Variants in ESCO1 observed in about 807,000 individuals in gnomAD.
ESCO1 encodes the protein establishment of sister chromatid cohesion N-acetyltransferase 1.
ESCO1 carries 33 observed loss-of-function variants against 83.5 expected under a neutral mutation model. The ratio of observed to expected loss-of-function variants is 0.40; its 90% CI spans 0.30 to 0.53. ESCO1 has a LOEUF of 0.53. Ranked by LOEUF, ESCO1 falls within the 20% of genes least tolerant of loss-of-function variation. The probability of loss-of-function intolerance (pLI) is 0.63; values close to 1 mark genes in which losing one functional copy is unlikely to be tolerated. For missense variants in ESCO1, 855 were observed against 968.0 expected (o/e 0.88, Z 1.55); for synonymous variants, 332 against 324.3 (o/e 1.02, Z -0.25).
At chr18:21,585,436 T>A (rs935438184) in intron 1 of ESCO1, among the ~76,000 whole-genome samples, 1 of 152,130 alleles carries the variant, frequency 6.6e-6, no homozygotes, top group Non-Finnish European at 1.5e-5. Flanking sequence ...AAAAATAGTA[T>A]TCTTTACCCA....
intron 10 of ESCO1, 96 bp from the exon 11 acceptor site, chr18:21,532,756 TAAC>T (rs1332416861): frequency 1.7e-6 from 2 of 1,163,430 alleles, no homozygotes; most frequent in South Asian, 1.7e-5. Context: ...TTGACTGGCT[TAAC>T]AAACTATGGG....
At chr18:21,585,171 C>T (rs2038557784) in intron 1 of ESCO1, among the ~76,000 whole-genome samples, 1 of 151,436 alleles carries the variant, frequency 6.6e-6, no homozygotes. Context: ...TACACAACTG[C>T]ATGGTCACCA....
At chr18:21,578,239 A>T (rs1165555918) in intron 2 of ESCO1, among the ~76,000 whole-genome samples, 1 of 152,230 alleles carries the variant, frequency 6.6e-6, no homozygotes, top group African/African-American at 2.4e-5. Context: ...AAAAACTAAA[A>T]ATAAGCTAAT....
In ESCO1 at chr18:21,538,241, C is replaced by T. The variant is rs1217392213; in HGVS notation, c.2043+1679G>A. Among the ~76,000 whole-genome samples, 5 of 148,176 alleles carry T rather than the reference C, an allele frequency of 3.4e-5. No individual in the cohort carries two copies. The East Asian group carries it at 9.9e-4, about 29-fold the overall frequency. ...CTGAGGCAGGAGGATCCCTTGAGAC[C>T]AGGAGTTCAAGACAAGCCTGGGCAA... On this transcript the variant is annotated intron_variant, in intron 9 of 11. Transcript: ENST00000269214.
intron 2 of ESCO1, among the ~76,000 whole-genome samples, chr18:21,580,317 G>T (rs938162893): frequency 6.6e-6 from 1 of 151,996 alleles, no homozygotes; most frequent in African/African-American, 2.4e-5. Context: ...CTAGAGGGGG[G>T]AAAAATCCTG....
chr18:21,572,079 T>G (rs1415489119), intron 4 of ESCO1, among the ~76,000 whole-genome samples: 1 of 152,198 alleles, frequency 6.6e-6, no homozygotes, highest in Non-Finnish European at 1.5e-5. Context: ...ATGACTTGAC[T>G]TTTTTCTCTA....
At chr18:21,548,959 A>C (rs1330979644) in intron 8 of ESCO1, among the ~76,000 whole-genome samples, 1 of 151,896 alleles carries the variant, frequency 6.6e-6, no homozygotes, top group African/African-American at 2.4e-5. Context: ...AAAAAGAGGC[A>C]AGAAATATAA....
intron 8 of ESCO1, among the ~76,000 whole-genome samples, chr18:21,556,844 G>C (rs1310058095): frequency 1.3e-5 from 2 of 152,088 alleles, no homozygotes. Context: ...GGGATTACAG[G>C]CGCGTGCCAC....
chr18:21,594,925 CTGTGTGTGTGTGTGTGTGTGTGTGTG>C (rs35336026), intron 1 of ESCO1, among the ~76,000 whole-genome samples: 5 of 143,792 alleles, frequency 3.5e-5, no homozygotes, highest in African/African-American at 1.3e-4. Flanking sequence ...TCTACAACTA[CTGTGTGTGTGTGTGTGTGTGTGTGTG>C]TGTGTGTGTG....
In ESCO1 at chr18:21,542,309, C is replaced by T. The variant is rs978602870; in HGVS notation, c.1954-2300G>A. Among the ~76,000 whole-genome samples the T allele has an allele frequency of 2.6e-5, 4 of 152,126 alleles. No individual in the cohort carries two copies. In the East Asian group the frequency reaches 7.7e-4, roughly 29 times the overall value. On this transcript the variant is annotated intron_variant, in intron 8 of 11. Coordinates refer to ENST00000269214, the MANE Select transcript of ESCO1 (RefSeq NM_052911.3). Reference sequence around the variant, plus strand: ...TCAAGCAATCCTCTTGCTTCAGCCTCCCAAGTAGCTGGGACTACAGGCGTG... The same window carrying T: ...TCAAGCAATCCTCTTGCTTCAGCCTTCCAAGTAGCTGGGACTACAGGCGTG...
intron 8 of ESCO1, among the ~76,000 whole-genome samples, chr18:21,542,668 T>C (rs1036359425): frequency 6.6e-6 from 1 of 152,218 alleles, no homozygotes; most frequent in African/African-American, 2.4e-5. Context: ...TCAATAAATG[T>C]TCCCAAGGGT....
chr18:21,598,495 T>A (rs1270574909), intron 1 of ESCO1, among the ~76,000 whole-genome samples: 2 of 140,022 alleles, frequency 1.4e-5, no homozygotes, highest in Admixed American at 7.0e-5. Flanking sequence ...AGGTCAGGAG[T>A]TCAAGACCAG....
chr18:21,570,106 T>C (rs2038319783), intron 4 of ESCO1, among the ~76,000 whole-genome samples: 1 of 152,178 alleles, frequency 6.6e-6, no homozygotes, highest in East Asian at 1.9e-4. Context: ...GAAAGTCTTC[T>C]TTTTCTTTTG....
At chr18:21,564,126 A>G in intron 7 of ESCO1, 77 bp downstream of exon 7, 1 of 938,010 alleles carries the variant, frequency 1.1e-6, no homozygotes, top group African/African-American at 1.7e-5. Context: ...AACCTCAGAT[A>G]TCGTATTATA....
At chr18:21,565,033 G>A (rs1366232047) in intron 6 of ESCO1, among the ~76,000 whole-genome samples, 1 of 152,010 alleles carries the variant, frequency 6.6e-6, no homozygotes. Flanking sequence ...CCGAAATCAC[G>A]CCACTGCACT....
intron 4 of ESCO1, among the ~76,000 whole-genome samples, chr18:21,568,477 T>C (rs901724643): frequency 2.0e-5 from 3 of 151,972 alleles, no homozygotes; most frequent in African/African-American, 7.3e-5. Context: ...GCTCTATACC[T>C]TTTTTCCAAG....
At chr18:21,559,012 A>G (rs1389690916) in intron 8 of ESCO1, among the ~76,000 whole-genome samples, 3 of 152,258 alleles carry the variant, frequency 2.0e-5, no homozygotes, top group South Asian at 2.1e-4. Flanking sequence ...TAAATGTTTT[A>G]AAGTCACAAC....
In ESCO1 at chr18:21,573,319, T is replaced by G. The variant is rs758108831; in HGVS notation, c.1525A>C (p.Asn509His). 38 of 1,567,706 alleles carry G rather than the reference T, an allele frequency of 2.4e-5. No homozygotes were observed. The highest frequency in any genetic ancestry group is 1.3e-4 in the Admixed American group (6 of 47,416). The change falls in exon 4 of 12, where the codon AAT becomes CAT. Residue 509 changes from asparagine (N) to histidine (H), a missense_variant. Asn to His is a moderately conservative substitution (Grantham distance 68). This residue lies in a region of ESCO1 where 726 missense variants were observed against 699.5 expected (regional missense o/e 1.04). Transcript: ENST00000269214. ...GCATAATAAAAACAGATTACCTTAT[T>G]TGATGCTGAATCAAAAGAATGTTTC... ...QMKHSFDSAS[N>H]KNFSQCLESK...
chr18:21,595,621 T>C (rs982653342), intron 1 of ESCO1, among the ~76,000 whole-genome samples: 2 of 148,356 alleles, frequency 1.3e-5, no homozygotes, highest in African/African-American at 5.0e-5. Context: ...TGAGCCAAGA[T>C]TGCGCCGCTG....
Sources: allele counts gnomAD v4.1 joint callset (sites outside exome capture counted in the v4.1 genomes callset), GRCh38; gene constraint gnomAD v4.1.1; regional missense constraint gnomAD v4.1.1; transcripts MANE v1.5; gene names NCBI Gene and HGNC (gene_info 2026-07-23, HGNC 2026-07-21).